SGCZ: variants seen among roughly 807,000 people sequenced by gnomAD.
SGCZ encodes the protein sarcoglycan zeta.
A neutral mutation model predicts 41.3 loss-of-function variants in SGCZ; 40 were observed. That is an observed-to-expected ratio of 0.97 (90% CI 0.75 to 1.26). SGCZ has a LOEUF of 1.26. Ranked by LOEUF, SGCZ falls within the 50% of genes most tolerant of loss-of-function variation. The probability of loss-of-function intolerance (pLI) is 0.00; values close to 1 mark genes in which losing one functional copy is unlikely to be tolerated. For synonymous variants in SGCZ, 206 were observed against 137.5 expected (o/e 1.50, Z -3.49); for missense variants, 552 against 369.8 (o/e 1.49, Z -4.04).
chr8:14,220,227 G>A (rs1173074105), intron 4 of SGCZ, among the ~76,000 whole-genome samples: 1 of 152,172 alleles, frequency 6.6e-6, no homozygotes, highest in Non-Finnish European at 1.5e-5. Context: ...AATAGGAGTA[G>A]AATGGATAAA....
At chr8:14,103,411 C>A (rs918862352) in intron 6 of SGCZ, among the ~76,000 whole-genome samples, 1 of 152,132 alleles carries the variant, frequency 6.6e-6, no homozygotes, top group Non-Finnish European at 1.5e-5. Flanking sequence ...GATCGCCCTA[C>A]CACAGGACTT....
At chr8:15,192,377 G>A (rs952518060) in intron 1 of SGCZ, among the ~76,000 whole-genome samples, 1 of 151,996 alleles carries the variant, frequency 6.6e-6, no homozygotes, top group African/African-American at 2.4e-5. Flanking sequence ...TTTAAAATCA[G>A]CTTCCAAAAT....
At chr8:15,154,470 G>T (rs943946960) in intron 1 of SGCZ, among the ~76,000 whole-genome samples, 1 of 152,188 alleles carries the variant, frequency 6.6e-6, no homozygotes, top group Non-Finnish European at 1.5e-5. Context: ...CTCCCTTAGA[G>T]AGGGTCACCA....
chr8:15,005,323 T>G (rs1448748201), intron 1 of SGCZ, among the ~76,000 whole-genome samples: 1 of 21,948 alleles, frequency 4.6e-5, no homozygotes, highest in Admixed American at 7.3e-4. Context: ...CGTTTTTTTC[T>G]TTTTCTTTTT....
intron 1 of SGCZ, chr8:14,853,413 C>T (rs566187288): frequency 3.2e-5 from 17 of 527,024 alleles, no homozygotes; most frequent in South Asian, 1.7e-4. Flanking sequence ...CCCAAGGTCT[C>T]ATGAGGTAAA....
chr8:14,290,695 A>T (rs894627093), intron 3 of SGCZ, among the ~76,000 whole-genome samples: 6 of 151,560 alleles, frequency 4.0e-5, no homozygotes, highest in African/African-American at 1.5e-4. Context: ...CCCAGTGTCA[A>T]TAAGAATGTG....
chr8:15,018,760 G>A (rs1259532733), intron 1 of SGCZ, among the ~76,000 whole-genome samples: 2 of 152,192 alleles, frequency 1.3e-5, no homozygotes, highest in Non-Finnish European at 2.9e-5. Flanking sequence ...TTCTCACACT[G>A]CTATAAAGAA....
chr8:14,957,902 GACA>G (rs981588793), intron 1 of SGCZ, among the ~76,000 whole-genome samples: 2 of 151,894 alleles, frequency 1.3e-5, no homozygotes, highest in African/African-American at 4.8e-5. Flanking sequence ...CTAAGAGAAT[GACA>G]ACAAGACTTA....
chr8:14,276,701 T>A (rs987310488), intron 3 of SGCZ, among the ~76,000 whole-genome samples: 6 of 152,286 alleles, frequency 3.9e-5, no homozygotes, highest in Non-Finnish European at 7.4e-5. Flanking sequence ...GGGGCTATTA[T>A]TCTAAAAATT....
intron 3 of SGCZ, among the ~76,000 whole-genome samples, chr8:14,257,853 G>C (rs1217748040): frequency 6.6e-6 from 1 of 152,090 alleles, no homozygotes; most frequent in Non-Finnish European, 1.5e-5. Context: ...GTGTTAAGAA[G>C]AGCTTTGTTT....
At chr8:14,423,682 G>T (rs1276155279) in intron 2 of SGCZ, among the ~76,000 whole-genome samples, 1 of 152,128 alleles carries the variant, frequency 6.6e-6, no homozygotes, top group Admixed American at 6.6e-5. Flanking sequence ...CCAAAGTGCT[G>T]GTATTACAGG....
chr8:14,128,287 A>C (rs1165013755), intron 5 of SGCZ, among the ~76,000 whole-genome samples: 1 of 152,210 alleles, frequency 6.6e-6, no homozygotes, highest in Non-Finnish European at 1.5e-5. Flanking sequence ...GCAAACCAAC[A>C]AACCATGTTG....
chr8:14,920,011 C>G (rs1185535707), intron 1 of SGCZ, among the ~76,000 whole-genome samples: 1 of 152,156 alleles, frequency 6.6e-6, no homozygotes, highest in Non-Finnish European at 1.5e-5. Flanking sequence ...CACCATACTC[C>G]TTTTAGTAGA....
At chr8:14,350,037 T>A (rs1803031430) in intron 2 of SGCZ, among the ~76,000 whole-genome samples, 1 of 152,126 alleles carries the variant, frequency 6.6e-6, no homozygotes, top group South Asian at 2.1e-4. Flanking sequence ...ATGCTATTAA[T>A]CAGAAAACTC....
Position 14,683,760 on chromosome 8 carries a change from T to A in SGCZ, c.40-128834A>T, listed in dbSNP as rs1808519713. Among the ~76,000 whole-genome samples, 3 of 152,136 alleles carry A rather than the reference T, an allele frequency of 2.0e-5. No individual in the cohort carries two copies. The South Asian group carries it at 6.2e-4, about 31-fold the overall frequency. On this transcript the variant is annotated intron_variant, in intron 1 of 7. Coordinates refer to ENST00000382080, the MANE Select transcript of SGCZ (RefSeq NM_139167.4). ...TTCAGTGAGCTTTTTCAAAAAATATTGCCATCATTCTTGTACAGAACCATA... is the reference window on the plus strand; with the variant it reads ...TTCAGTGAGCTTTTTCAAAAAATATAGCCATCATTCTTGTACAGAACCATA...
At chr8:14,718,807 A>C (rs1809782700) in intron 1 of SGCZ, among the ~76,000 whole-genome samples, 2 of 149,200 alleles carry the variant, frequency 1.3e-5, no homozygotes, top group African/African-American at 4.9e-5. Context: ...TCTTACTTCC[A>C]CTCTTTGTCT....
At chr8:14,368,004 T>A (rs984130833) in intron 2 of SGCZ, among the ~76,000 whole-genome samples, 3 of 152,114 alleles carry the variant, frequency 2.0e-5, no homozygotes, top group African/African-American at 7.2e-5. Flanking sequence ...GAGTTTTATA[T>A]CTATTTTAAT....
intron 1 of SGCZ, among the ~76,000 whole-genome samples, chr8:15,150,518 G>T (rs561738788): frequency 3.9e-5 from 6 of 152,150 alleles, no homozygotes; most frequent in African/African-American, 1.2e-4. Context: ...CCCTACTCAC[G>T]CACAGAGTTG....
chr8:14,408,882 C>A (rs964692065), intron 2 of SGCZ, among the ~76,000 whole-genome samples: 5 of 151,626 alleles, frequency 3.3e-5, no homozygotes, highest in Non-Finnish European at 1.5e-5. Context: ...ACTTCAAATT[C>A]TTTTTATTCT....
Sources: gnomAD v4.1 joint callset for allele counts (sites outside exome capture counted in the v4.1 genomes callset) on GRCh38, gnomAD v4.1.1 for gene constraint, MANE v1.5 for transcripts, NCBI Gene and HGNC (gene_info 2026-07-23, HGNC 2026-07-21) for gene names.